Variants in KCNN2 observed in about 807,000 individuals in gnomAD.
KCNN2 encodes the protein small conductance calcium-activated potassium channel protein 2.
Under a neutral mutation model 55.5 loss-of-function variants are expected in KCNN2, and 24 were observed. The observed-to-expected ratio is 0.43, with a 90% CI of 0.31 to 0.61. The LOEUF (loss-of-function observed/expected upper bound fraction) is 0.61. Among genes scored for constraint, KCNN2 ranks in the 20% least tolerant of loss-of-function variants. The pLI is 0.08. For missense variants in KCNN2, 754 were observed against 853.6 expected (o/e 0.88, Z 1.45); for synonymous variants, 431 against 336.1 (o/e 1.28, Z -3.09).
chr5:114,408,077 A>G (rs1280679049), intron 3 of KCNN2, among the ~76,000 whole-genome samples: 1 of 152,094 alleles, frequency 6.6e-6, no homozygotes, highest in Non-Finnish European at 1.5e-5. Flanking sequence ...TGCCTAAGTC[A>G]TGGGTGAGGG....
intron 1 of KCNN2, among the ~76,000 whole-genome samples, chr5:114,098,294 T>C (rs957215776): frequency 2.6e-5 from 4 of 152,060 alleles, no homozygotes; most frequent in African/African-American, 9.7e-5. Context: ...TTCTGAGAAT[T>C]AGGACTTGGA....
chr5:114,224,613 G>T (rs6594801), intron 2 of KCNN2, among the ~76,000 whole-genome samples: 2 of 151,996 alleles, frequency 1.3e-5, no homozygotes, highest in Non-Finnish European at 2.9e-5. Flanking sequence ...TGGAGGTGTG[G>T]GAGTGATCTC....
chr5:114,361,757 C>T (rs770474331), upstream of KCNN2, among the ~76,000 whole-genome samples: 4 of 152,182 alleles, frequency 2.6e-5, no homozygotes. Context: ...GCGCCTTTCT[C>T]TTTTCTCCTC....
chr5:114,306,791 C>G (rs1756286413), intron 2 of KCNN2, among the ~76,000 whole-genome samples: 1 of 151,168 alleles, frequency 6.6e-6, no homozygotes. Flanking sequence ...ACTTCCGCCT[C>G]CCAGATTCAA....
At chr5:114,387,894 G>T (rs1758334379) in intron 2 of KCNN2, among the ~76,000 whole-genome samples, 1 of 152,090 alleles carries the variant, frequency 6.6e-6, no homozygotes, top group Non-Finnish European at 1.5e-5. Context: ...TTTATCATAG[G>T]AGAAAAAGAA....
intron 2 of KCNN2, among the ~76,000 whole-genome samples, chr5:114,397,106 T>C (rs1580788388): frequency 6.6e-6 from 1 of 152,196 alleles, no homozygotes; most frequent in East Asian, 1.9e-4. Flanking sequence ...TACCATATTT[T>C]CTTTATCCCT....
intron 2 of KCNN2, 56 bp downstream of exon 2, chr5:114,364,057 A>G (rs955778836): frequency 6.0e-6 from 8 of 1,330,134 alleles, no homozygotes; most frequent in Non-Finnish European, 8.6e-6. Flanking sequence ...CAGCCTAGAG[A>G]AACGCAAGGC....
At chr5:114,193,328 C>A (rs1753487267) in intron 1 of KCNN2, among the ~76,000 whole-genome samples, 1 of 152,042 alleles carries the variant, frequency 6.6e-6, no homozygotes, top group Non-Finnish European at 1.5e-5. Context: ...TGTCTCTGGG[C>A]AAATAGAAAC....
intron 1 of KCNN2, among the ~76,000 whole-genome samples, chr5:114,074,053 T>G (rs925544274): frequency 2.0e-5 from 3 of 152,214 alleles, no homozygotes; most frequent in African/African-American, 7.2e-5. Flanking sequence ...CCTGGCATGT[T>G]GACTTACTGC....
intron 1 of KCNN2, among the ~76,000 whole-genome samples, chr5:114,144,312 C>A (rs1050799554): frequency 1.3e-5 from 2 of 152,036 alleles, no homozygotes; most frequent in Non-Finnish European, 2.9e-5. Flanking sequence ...ATTAATTTGG[C>A]CAATTTTTGA....
At chr5:114,312,546 C>T (rs1302415024) in intron 2 of KCNN2, among the ~76,000 whole-genome samples, 1 of 147,110 alleles carries the variant, frequency 6.8e-6, no homozygotes, top group Non-Finnish European at 1.5e-5. Flanking sequence ...TTGCCCTTTT[C>T]CAGAACAGTT....
At chr5:114,177,435 C>T (rs1412876935) in intron 1 of KCNN2, among the ~76,000 whole-genome samples, 2 of 152,024 alleles carry the variant, frequency 1.3e-5, no homozygotes, top group Admixed American at 1.3e-4. Flanking sequence ...CGGCACCCAG[C>T]TAATATGCTG....
chr5:114,196,939 T>C (rs1753568788), intron 1 of KCNN2, among the ~76,000 whole-genome samples: 1 of 152,096 alleles, frequency 6.6e-6, no homozygotes, highest in Non-Finnish European at 1.5e-5. Flanking sequence ...GTGAGGTTAT[T>C]GATTGAGATC....
chr5:114,237,177 C>T (rs183431790), intron 2 of KCNN2, among the ~76,000 whole-genome samples: 37 of 150,938 alleles, frequency 2.5e-4, no homozygotes, highest in African/African-American at 8.5e-4. Flanking sequence ...ATTTCCAGTA[C>T]GACAAGCAAT....
At chr5:114,204,878 AT>A (rs1753738977) in intron 1 of KCNN2, among the ~76,000 whole-genome samples, 2 of 152,224 alleles carry the variant, frequency 1.3e-5, no homozygotes, top group South Asian at 4.1e-4. Flanking sequence ...ACATGTCCTT[AT>A]TAATACAATT....
chr5:114,271,607 T>G (rs1039378627), intron 2 of KCNN2, among the ~76,000 whole-genome samples: 10 of 152,328 alleles, frequency 6.6e-5, no homozygotes, highest in East Asian at 1.9e-4. Context: ...AAATTTAAGT[T>G]TTCAGTCATC....
intron 2 of KCNN2, among the ~76,000 whole-genome samples, chr5:114,246,095 G>C (rs1405477576): frequency 6.6e-6 from 1 of 152,114 alleles, no homozygotes; most frequent in African/African-American, 2.4e-5. Context: ...CCACTGATCT[G>C]TTAGGTGAAT....
intron 4 of KCNN2, among the ~76,000 whole-genome samples, chr5:114,469,663 T>C (rs975138243): frequency 6.6e-6 from 1 of 152,196 alleles, no homozygotes; most frequent in African/African-American, 2.4e-5. Flanking sequence ...TTATTCACTT[T>C]ATGAAACGGA....
At chr5:114,180,910 C>T (rs1753225401) in intron 1 of KCNN2, among the ~76,000 whole-genome samples, 1 of 152,134 alleles carries the variant, frequency 6.6e-6, no homozygotes, top group Non-Finnish European at 1.5e-5. Context: ...TATAATGCTT[C>T]TTTCATTCAG....
Sources: allele counts gnomAD v4.1 joint callset (sites outside exome capture counted in the v4.1 genomes callset), GRCh38; gene constraint gnomAD v4.1.1; transcripts MANE v1.5; gene names NCBI Gene and HGNC (gene_info 2026-07-23, HGNC 2026-07-21).